The following SEC24A variants were observed in gnomAD, a reference collection of about 807,000 sequenced individuals.
SEC24A encodes protein transport protein Sec24A.
A neutral mutation model predicts 129.4 loss-of-function variants in SEC24A; 93 were observed. That is an observed-to-expected ratio of 0.72 (90% confidence interval 0.61 to 0.85). The LOEUF (loss-of-function observed/expected upper bound fraction) is 0.85. SEC24A is among the 40% of genes least tolerant of loss of function. SEC24A has a pLI of 0.00. For synonymous variants in SEC24A, 460 were observed against 467.3 expected, an observed-to-expected ratio of 0.98 and a Z score of 0.20; for missense variants, 1,264 against 1,307.4, an observed-to-expected ratio of 0.97 and a Z score of 0.51.
In SEC24A at chr5:134,666,992, A is replaced by G. The variant is rs774450214; in HGVS notation, c.735A>G (p.Gln245=). 4 of 1,557,718 alleles carry G rather than the reference A, an allele frequency of 2.6e-6. No homozygotes were observed. Among genetic ancestry groups the G allele is most frequent in the Non-Finnish European group, 2.6e-6 (3 of 1,157,592 alleles). The change falls in exon 3 of 23, where the codon CAA becomes CAG. Residue 245 remains glutamine (Q), a synonymous_variant. Coordinates refer to ENST00000398844, the MANE Select transcript of SEC24A (RefSeq NM_021982.3). ...PQPLFNSAVN[Q]EGITSNTNNG... Reference sequence around the variant, plus strand: ...CCTTATTTAATTCAGCTGTCAACCAAGAAGGTAAGTGAACCAAGAAACAAA... The same window carrying G: ...CCTTATTTAATTCAGCTGTCAACCAGGAAGGTAAGTGAACCAAGAAACAAA...
chr5:134,694,085 C>T, intron 13 of SEC24A, 152 bp downstream of exon 13: 1 of 664,274 alleles, frequency 1.5e-6, no homozygotes, highest in Non-Finnish European at 2.5e-6. Flanking sequence ...TATTTTGTTA[C>T]ATTTTTCTCT....
chr5:134,659,976 CA>C (rs934589389), intron 1 of SEC24A, among the ~76,000 whole-genome samples: 1 of 151,996 alleles, frequency 6.6e-6, no homozygotes, highest in African/African-American at 2.4e-5. Context: ...ATTGGCCTGT[CA>C]AATTTTTGCT....
intron 7 of SEC24A, among the ~76,000 whole-genome samples, chr5:134,676,438 CTT>C (rs34581398): frequency 8.4e-4 from 71 of 84,194 alleles, no homozygotes; most frequent in African/African-American, 2.9e-3. Context: ...GCGCCCGGCT[CTT>C]TTTTTTTTTT....
intron 20 of SEC24A, among the ~76,000 whole-genome samples, chr5:134,720,653 A>G (rs1752603178): frequency 6.6e-6 from 1 of 152,226 alleles, no homozygotes; most frequent in African/African-American, 2.4e-5. Context: ...CTGTAATCCC[A>G]GCACTTTGGG....
At position 134,679,613 on chromosome 5, in the gene SEC24A, G is replaced by T; in HGVS notation, c.1266G>T (p.Val422=). Reference sequence around the variant, plus strand: ...TTTTTTTTTTCCAGCAATTGCCTGTGGTTACCTCCAGTACAATTGTGAGAT... The same window carrying T: ...TTTTTTTTTTCCAGCAATTGCCTGTTGTTACCTCCAGTACAATTGTGAGAT... ...HPFKDLVQLP[V]VTSSTIVRCR... is the part of the protein sequence containing the mutation. The change falls in exon 8 of 23, where the codon GTG becomes GTT. Residue 422 remains valine (V), a synonymous_variant. Transcript: ENST00000398844. The T allele has an allele frequency of 6.4e-7, 1 of 1,555,260 alleles. No individual in the cohort carries two copies. Among genetic ancestry groups the T allele is most frequent in the Non-Finnish European group, 8.7e-7 (1 of 1,145,974 alleles).
rs1752235634 is a variant in SEC24A, at chr5:134,708,739, C to T, written c.2578C>T (p.Leu860=). 1.9e-6 allele frequency: 3 copies of T among 1,613,742 alleles called. No individual in the cohort carries two copies. The African/African-American group carries it at 4.0e-5, about 22-fold the overall frequency. The part of the protein sequence containing the change: ...MAVDRSMTAS[L]SDARDALVNA... ...TGTTGACAGATCTATGACTGCCAGTCTGAGTGACGCTCGGGATGCTCTAGT... is the reference window on the plus strand; with the variant it reads ...TGTTGACAGATCTATGACTGCCAGTTTGAGTGACGCTCGGGATGCTCTAGT... Residue 860 remains leucine (L), a synonymous_variant, in exon 18 of 23, where the codon CTG becomes TTG. Transcript: ENST00000398844.
chr5:134,709,086 T>C (rs1436118416), intron 18 of SEC24A, among the ~76,000 whole-genome samples, 198 bp downstream of exon 18: 1 of 151,898 alleles, frequency 6.6e-6, no homozygotes, highest in Non-Finnish European at 1.5e-5. Flanking sequence ...TGCACACCTG[T>C]AGTCAGTCCC....
intron 21 of SEC24A, among the ~76,000 whole-genome samples, chr5:134,721,561 C>CAA (rs757908828): frequency 1.8e-4 from 10 of 55,378 alleles, no homozygotes; most frequent in East Asian, 5.1e-4. Context: ...GACTCCATCT[C>CAA]AAAAAAAAAA....
intron 7 of SEC24A, among the ~76,000 whole-genome samples, chr5:134,678,285 A>G (rs1013226458): frequency 1.3e-5 from 2 of 152,194 alleles, no homozygotes; most frequent in African/African-American, 4.8e-5. Flanking sequence ...ACCTTACTTT[A>G]TTATAGTTGA....
At chr5:134,657,046 C>G (rs919922451) in intron 1 of SEC24A, among the ~76,000 whole-genome samples, 3 of 151,710 alleles carry the variant, frequency 2.0e-5, no homozygotes, top group African/African-American at 7.3e-5. Flanking sequence ...ATTAGCCAGG[C>G]ATAATGGTGC....
At position 134,725,274 on chromosome 5, in the gene SEC24A, A is replaced by C; in HGVS notation, c.*180A>C. 1 of 489,276 alleles carries C rather than the reference A, an allele frequency of 2.0e-6. No homozygotes were observed. Among genetic ancestry groups the C allele is most frequent in the Non-Finnish European group, 3.6e-6 (1 of 279,814 alleles). The allele number at this position is 489,276 out of a possible 1,614,324, so 30.3% of individuals were successfully genotyped here. On this transcript the variant is annotated 3_prime_UTR_variant, in exon 23 of 23. Coordinates refer to ENST00000398844, the MANE Select transcript of SEC24A (RefSeq NM_021982.3). ...ACCACAGCAGAGAATCAAACATGCA[A>C]CTCTGAAATACTGTATTTTTCAAAT...
rs1231768381 is a variant in SEC24A at position 134,674,662 on chromosome 5, G to A, written c.865G>A (p.Gly289Arg). 3.7e-6 allele frequency: 6 copies of A among 1,613,810 alleles called. No homozygotes were observed. Among genetic ancestry groups the A allele is most frequent in the Non-Finnish European group, 5.1e-6 (6 of 1,179,824 alleles). ...GAATCCCAAAATGAGCCGAAGTGTTGGATATTCATATCCCTCCTTACCACC... is the reference window on the plus strand; with the variant it reads ...GAATCCCAAAATGAGCCGAAGTGTTAGATATTCATATCCCTCCTTACCACC... Reference protein sequence around the residue: ...NKNPKMSRSVGYSYPSLPPGY... With the variant: ...NKNPKMSRSVRYSYPSLPPGY... Residue 289 changes from glycine (G) to arginine (R), a missense_variant, in exon 5 of 23, where the codon GGA becomes AGA. Coordinates refer to ENST00000398844, the MANE Select transcript of SEC24A (RefSeq NM_021982.3).
intron 12 of SEC24A, chr5:134,693,316 G>C: frequency 7.2e-7 from 1 of 1,386,282 alleles, no homozygotes; most frequent in South Asian, 1.7e-5. Flanking sequence ...ATTACTAGTT[G>C]GCAAAGTTAC....
intron 2 of SEC24A, 85 bp downstream of exon 2, chr5:134,661,671 A>G: frequency 9.8e-7 from 1 of 1,022,542 alleles, no homozygotes. Context: ...TGAAACCTGA[A>G]AACCATATGG....
In SEC24A at chr5:134,679,772, T is replaced by C. The variant is rs200297860; in HGVS notation, c.1381+44T>C. 1.3e-4 allele frequency: 198 copies of C among 1,471,866 alleles called. No homozygotes were observed. In the South Asian group the frequency reaches 1.8e-3, roughly 14 times the overall value. 91.2% of individuals were successfully genotyped at this position (1,471,866 alleles called of 1,614,324 possible). Reference sequence around the variant, plus strand: ...AAACATTTAAACGTTTCTACTTGCATTGTAGGGAAATCAGATGATACAAAT... The same window carrying C: ...AAACATTTAAACGTTTCTACTTGCACTGTAGGGAAATCAGATGATACAAAT... On this transcript the variant is annotated intron_variant, in intron 8 of 22. Transcript: ENST00000398844.
intron 1 of SEC24A, among the ~76,000 whole-genome samples, chr5:134,653,041 G>C (rs187102818): frequency 1.6e-3 from 237 of 150,742 alleles, no homozygotes; most frequent in Admixed American, 3.8e-3. Flanking sequence ...TCCTGACCTC[G>C]TGATCTGCCC....
At chr5:134,683,387 A>AT (rs1305432309) in intron 9 of SEC24A, among the ~76,000 whole-genome samples, 24 of 151,670 alleles carry the variant, frequency 1.6e-4, no homozygotes, top group Middle Eastern at 6.8e-3. Flanking sequence ...CTTCATACAA[A>AT]TTTTTTTTCT....
chr5:134,683,536 G>A (rs537412092), intron 9 of SEC24A, among the ~76,000 whole-genome samples: 1 of 152,142 alleles, frequency 6.6e-6, no homozygotes, highest in Admixed American at 6.6e-5. Context: ...TTTTAGAGAG[G>A]AGGGTCTTAC....
chr5:134,723,600 G>GC lies in SEC24A; in HGVS notation c.3099dup (p.Arg1034GlnfsTer10). The stretch of plus-strand genomic sequence containing the variant: ...TCCAGAACTTGATACACCAGAATCT[G>GC]CCAGAATAATAGCTTTCATCTCTTG... On this transcript the variant is annotated frameshift_variant, in exon 22 of 23. Coordinates refer to ENST00000398844, the MANE Select transcript of SEC24A (RefSeq NM_021982.3). LOFTEE classifies it high-confidence loss of function. The GC allele has an allele frequency of 6.2e-7, 1 of 1,613,318 alleles. No homozygotes were observed. Among genetic ancestry groups the GC allele is most frequent in the African/African-American group, 1.3e-5 (1 of 75,040 alleles).
Sources: gnomAD v4.1 joint callset for allele counts (sites outside exome capture counted in the v4.1 genomes callset) on GRCh38, gnomAD v4.1.1 for gene constraint, MANE v1.5 for transcripts, NCBI Gene and HGNC (gene_info 2026-07-23, HGNC 2026-07-21) for gene names.